TENM4: variants seen among roughly 807,000 people sequenced by gnomAD.
TENM4 encodes teneurin-4.
Under a neutral mutation model 243.3 loss-of-function variants are expected in TENM4, and 82 were observed. The ratio of observed to expected loss-of-function variants is 0.34; its 90% CI spans 0.28 to 0.40. The LOEUF is 0.40. Ranked by LOEUF, TENM4 falls within the 10% of genes least tolerant of loss-of-function variation. The pLI is 1.00. For missense variants in TENM4, 3,138 were observed against 3,673.3 expected, an observed-to-expected ratio of 0.85 and a Z score of 3.77; for synonymous variants, 1,412 against 1,456.3, an observed-to-expected ratio of 0.97 and a Z score of 0.69.
intron 12 of TENM4, 57 bp from the exon 13 acceptor site, chr11:78,814,452 G>T (rs1419643031): frequency 1.4e-6 from 2 of 1,459,054 alleles, no homozygotes; most frequent in Non-Finnish European, 1.9e-6. Flanking sequence ...CAAACAGAGA[G>T]CCCAGGAATC....
chr11:78,730,737 C>G (rs190929986), intron 21 of TENM4, among the ~76,000 whole-genome samples: 5 of 152,306 alleles, frequency 3.3e-5, no homozygotes, highest in Non-Finnish European at 7.4e-5. Context: ...GCTATTCTAC[C>G]CTACGTTTAC....
At chr11:78,960,953 G>A (rs1857307593) in intron 6 of TENM4, among the ~76,000 whole-genome samples, 1 of 152,186 alleles carries the variant, frequency 6.6e-6, no homozygotes. Flanking sequence ...GCACTGTGAT[G>A]GGTGCTCATC....
intron 1 of TENM4, among the ~76,000 whole-genome samples, chr11:79,298,515 C>A (rs1856495250): frequency 7.6e-6 from 1 of 131,078 alleles, no homozygotes. Flanking sequence ...GAGCAAGACT[C>A]CGTCTCAAAA....
At chr11:78,711,101 G>A (rs1859386628) in intron 26 of TENM4, among the ~76,000 whole-genome samples, 1 of 152,158 alleles carries the variant, frequency 6.6e-6, no homozygotes, top group Non-Finnish European at 1.5e-5. Context: ...TGCAAGCCTA[G>A]TGTTCTTTCC....
chr11:79,132,225 A>T lies in TENM4; in HGVS notation c.-66+16485T>A, dbSNP rs183949508. On this transcript the variant is annotated intron_variant, in intron 4 of 33. Coordinates refer to ENST00000278550, the MANE Select transcript of TENM4 (RefSeq NM_001098816.3). ...GCCGGGCGCGGTGGTGGGTGCCTGT[A>T]GTCCCAGCTACTCAGGAGGCTGAGG... 3.3e-3 allele frequency among the ~76,000 whole-genome samples: 497 copies of T among 151,430 alleles called. 3 individuals are homozygous for T. The highest frequency in any genetic ancestry group is 0.011 in the African/African-American group (464 of 41,288).
intron 2 of TENM4, among the ~76,000 whole-genome samples, chr11:79,217,091 A>G (rs1864065126): frequency 6.6e-6 from 1 of 152,136 alleles, no homozygotes; most frequent in South Asian, 2.1e-4. Flanking sequence ...TCCTATGACT[A>G]TAAATTTGAT....
intron 6 of TENM4, among the ~76,000 whole-genome samples, chr11:79,055,873 T>C (rs746382948): frequency 6.6e-6 from 1 of 152,140 alleles, no homozygotes; most frequent in East Asian, 1.9e-4. Context: ...TTTCGGCTGA[T>C]GGGGAAACTA....
chr11:79,384,045 C>T (rs1858059448), intron 1 of TENM4, among the ~76,000 whole-genome samples: 1 of 152,098 alleles, frequency 6.6e-6, no homozygotes, highest in South Asian at 2.1e-4. Context: ...ACACAGCTAA[C>T]CAGCCAGCCA....
At chr11:79,011,700 T>C (rs1858647080) in intron 6 of TENM4, among the ~76,000 whole-genome samples, 1 of 152,136 alleles carries the variant, frequency 6.6e-6, no homozygotes, top group Non-Finnish European at 1.5e-5. Context: ...TGCTGCCATC[T>C]TTTCCCCACT....
chr11:79,221,937 G>A (rs1590805685), intron 2 of TENM4, among the ~76,000 whole-genome samples: 1 of 152,196 alleles, frequency 6.6e-6, no homozygotes, highest in Non-Finnish European at 1.5e-5. Context: ...AAGCTGAGAG[G>A]AGCCTGCTTG....
At chr11:78,920,684 A>G (rs1219210526) in intron 6 of TENM4, among the ~76,000 whole-genome samples, 1 of 152,232 alleles carries the variant, frequency 6.6e-6, no homozygotes, top group Non-Finnish European at 1.5e-5. Context: ...GATGTTAGGC[A>G]TCATCCCAGA....
chr11:78,847,124 A>G (rs532824570), intron 12 of TENM4, among the ~76,000 whole-genome samples: 11 of 152,336 alleles, frequency 7.2e-5, no homozygotes, highest in African/African-American at 2.6e-4. Flanking sequence ...GCAAGCATAA[A>G]AACAGCAGCC....
rs538409921 is a variant in TENM4 at position 79,397,009 on chromosome 11, A to G, written c.-321+43500T>C. On this transcript the variant is annotated intron_variant, in intron 1 of 33. Transcript: ENST00000278550. ...CTGAGCACTGTGTCAAGGGGGCTTCAGAACCCAGTCAAGGACGCAGGTGCA... is the reference window on the plus strand; with the variant it reads ...CTGAGCACTGTGTCAAGGGGGCTTCGGAACCCAGTCAAGGACGCAGGTGCA... Among the ~76,000 whole-genome samples, 114 of 152,332 alleles carry G rather than the reference A, an allele frequency of 7.5e-4. 3 individuals are homozygous for G. In the South Asian group the frequency reaches 0.023, roughly 31 times the overall value.
chr11:79,172,350 T>C (rs535596404), intron 3 of TENM4, among the ~76,000 whole-genome samples: 1 of 152,294 alleles, frequency 6.6e-6, no homozygotes, highest in Admixed American at 6.5e-5. Context: ...CTAAAGAGAC[T>C]GGGTGACCAG....
At chr11:78,776,210 GACCTAGTTATCATCTTGCTTTTAAAA>G (rs1009500029) in intron 17 of TENM4, among the ~76,000 whole-genome samples, 3 of 152,054 alleles carry the variant, frequency 2.0e-5, no homozygotes, top group African/African-American at 7.2e-5. Flanking sequence ...TCACAAATGT[GACCTAGTTATCATCTTGCTTTTAAAA>G]ACCTTCAGAC....
chr11:79,122,590 C>T (rs964261124), intron 4 of TENM4, among the ~76,000 whole-genome samples: 6 of 152,184 alleles, frequency 3.9e-5, no homozygotes, highest in African/African-American at 7.2e-5. Context: ...GATATGGGGT[C>T]ATGACAGTAA....
rs760533280 is a variant in TENM4, at chr11:78,670,496, T to C, written c.5849A>G (p.Asn1950Ser). The change falls in exon 32 of 34, where the codon AAT becomes AGT. Residue 1950 changes from asparagine to serine, a missense_variant. Asn to Ser is a conservative substitution (Grantham distance 46). Around this residue, in one of 2 missense-constraint regions of TENM4, gnomAD observed 2,467 missense variants for 3,059.1 expected, o/e 0.81. Coordinates refer to ENST00000278550, the MANE Select transcript of TENM4 (RefSeq NM_001098816.3). ...CATCGTCACAGAAGAGAGGCGGTCA[T>C]TCTTGTCGAACTCAAAGATATACTG... Reference protein sequence around the residue: ...QRQYIFEFDKNDRLSSVTMPN... With the variant: ...QRQYIFEFDKSDRLSSVTMPN... 7.4e-6 allele frequency: 12 copies of C among 1,613,636 alleles called. No homozygotes were observed. The highest frequency in any genetic ancestry group is 1.0e-5 in the Non-Finnish European group (12 of 1,179,812).
At chr11:79,277,224 T>G (rs192790796) in intron 2 of TENM4, among the ~76,000 whole-genome samples, 2 of 152,206 alleles carry the variant, frequency 1.3e-5, no homozygotes, top group East Asian at 3.9e-4. Context: ...ACAGGGAGTT[T>G]TGGGAAATGG....
chr11:79,379,913 G>T (rs536653697), intron 1 of TENM4, among the ~76,000 whole-genome samples: 1 of 152,308 alleles, frequency 6.6e-6, no homozygotes, highest in South Asian at 2.1e-4. Flanking sequence ...CTGAGGGAGA[G>T]ACTGGCTTGT....
Sources: allele counts gnomAD v4.1 joint callset (sites outside exome capture counted in the v4.1 genomes callset), GRCh38; gene constraint gnomAD v4.1.1; regional missense constraint gnomAD v4.1.1; transcripts MANE v1.5; gene names NCBI Gene and HGNC (gene_info 2026-07-23, HGNC 2026-07-21).